ARHGAP20: variants seen among roughly 807,000 people sequenced by gnomAD.
ARHGAP20 encodes the protein Rho GTPase activating protein 20.
Under a neutral mutation model 73.7 loss-of-function variants are expected in ARHGAP20, and 34 were observed. The observed-to-expected ratio is 0.46, with a 90% CI of 0.35 to 0.61. The LOEUF (loss-of-function observed/expected upper bound fraction) is 0.61, where lower values mean the gene tolerates loss of function less well. ARHGAP20 is among the 20% of genes least tolerant of loss of function. The pLI, the probability that ARHGAP20 is intolerant of heterozygous loss-of-function variation, is 0.00. For missense variants in ARHGAP20, 1,314 were observed against 1,420.9 expected (o/e 0.92, Z 1.21); for synonymous variants, 523 against 518.2 (o/e 1.01, Z -0.13).
chr11:110,693,070 T>C (rs1157196047), intron 1 of ARHGAP20, among the ~76,000 whole-genome samples: 1 of 152,020 alleles, frequency 6.6e-6, no homozygotes, highest in Non-Finnish European at 1.5e-5. Flanking sequence ...CAAATTTTGT[T>C]CTGAAAAGGT....
Position 110,578,725 on chromosome 11 carries a change from CTGATATCA to C in ARHGAP20, c.*637_*644del. 1.0e-6 allele frequency: 1 copy of C among 985,386 alleles called. No individual in the cohort carries two copies. Among genetic ancestry groups the C allele is most frequent in the Non-Finnish European group, 1.2e-6 (1 of 829,932 alleles). 61.0% of individuals were successfully genotyped at this position (985,386 alleles called of 1,614,324 possible). On this transcript the variant is annotated 3_prime_UTR_variant, in exon 15 of 15. Transcript: ENST00000683387. The stretch of plus-strand genomic sequence containing the variant: ...AAACCGACAAATACAACCAACAAAA[CTGATATCA>C]TGGTACCCATGGCTTTTGAGTCACT...
rs767153914 is a variant in ARHGAP20 at position 110,579,614 on chromosome 11, C to T, written c.3332G>A (p.Ser1111Asn). Reference sequence around the variant, plus strand: ...CTCTGAGTCCTGGAAGGGAGAAGAACTACACCTTTGGGCTGACTGCACAGG... The same window carrying T: ...CTCTGAGTCCTGGAAGGGAGAAGAATTACACCTTTGGGCTGACTGCACAGG... ...LSPVQSAQRC[S>N]SSPFQDSERH... Residue 1111 changes from serine (S) to asparagine (N), a missense_variant, in exon 15 of 15, where the codon AGT (serine) becomes AAT (asparagine). Coordinates refer to ENST00000683387, the MANE Select transcript of ARHGAP20 (RefSeq NM_001384657.1). 4 of 1,614,058 alleles carry T rather than the reference C, an allele frequency of 2.5e-6. No individual in the cohort carries two copies. The East Asian group carries it at 8.9e-5, about 36-fold the overall frequency.
chr11:110,699,742 A>T (rs1428225436), intron 1 of ARHGAP20, among the ~76,000 whole-genome samples: 2 of 151,898 alleles, frequency 1.3e-5, no homozygotes, highest in East Asian at 3.9e-4. Context: ...CATTTACATG[A>T]CATATCTTTT....
chr11:110,648,454 T>C (rs1319087322), intron 2 of ARHGAP20, among the ~76,000 whole-genome samples: 2 of 150,050 alleles, frequency 1.3e-5, no homozygotes, highest in Admixed American at 6.7e-5. Flanking sequence ...GACAGAAGAA[T>C]AGACTCATAA....
In ARHGAP20 at chr11:110,712,177, A is replaced by G. The variant is rs1258798394; in HGVS notation, c.55T>C (p.Ser19Pro). Reference sequence around the variant, plus strand: ...AGCCGAGACACTCCTGTCAGGGAAGAGGAGCGCCCCGGCTGTCCCCCTAGA... The same window carrying G: ...AGCCGAGACACTCCTGTCAGGGAAGGGGAGCGCCCCGGCTGTCCCCCTAGA... ...ETLGGQPGRSSSLTGVSRLAG... is the reference protein window; with the variant it reads ...ETLGGQPGRSPSLTGVSRLAG... Residue 19 changes from serine (S) to proline (P), a missense_variant, in exon 1 of 15, where the codon TCT becomes CCT. This residue lies in a region of ARHGAP20 where 443 missense variants were observed against 466.4 expected (regional missense o/e 0.95). Transcript: ENST00000683387. The G allele has an allele frequency of 7.3e-7, 1 of 1,368,126 alleles. No individual in the cohort carries two copies. Among genetic ancestry groups the G allele is most frequent in the South Asian group, 2.2e-5 (1 of 44,992 alleles). 84.7% of individuals were successfully genotyped at this position (1,368,126 alleles called of 1,614,324 possible).
Position 110,613,450 on chromosome 11 carries a change from A to C in ARHGAP20, c.630+1111T>G, listed in dbSNP as rs143777910. ...ACATCATCCTTGACTTAACCAGGGT[A>C]CTAGTGATAGAAACAGAGCACCCAA... On this transcript the variant is annotated intron_variant, in intron 6 of 14. Coordinates refer to ENST00000683387, the MANE Select transcript of ARHGAP20 (RefSeq NM_001384657.1). 6.0e-4 allele frequency among the ~76,000 whole-genome samples: 91 copies of C among 152,332 alleles called. 1 individual carries two copies. Among genetic ancestry groups the C allele is most frequent in the Admixed American group, 1.9e-3 (29 of 15,298 alleles).
At chr11:110,598,714 G>T (rs1948034353) in intron 9 of ARHGAP20, among the ~76,000 whole-genome samples, 2 of 152,132 alleles carry the variant, frequency 1.3e-5, no homozygotes, top group South Asian at 2.1e-4. Flanking sequence ...TGGCTGTAGT[G>T]GGGAGGCATG....
At chr11:110,616,686 CTTTT>C (rs58360001) in intron 4 of ARHGAP20, among the ~76,000 whole-genome samples, 1 of 140,208 alleles carries the variant, frequency 7.1e-6, no homozygotes, top group Admixed American at 7.1e-5. Context: ...ACATTTTTTT[CTTTT>C]TTTTTTTTTT....
intron 1 of ARHGAP20, among the ~76,000 whole-genome samples, chr11:110,702,706 G>T (rs549131294): frequency 1.3e-5 from 2 of 152,290 alleles, no homozygotes; most frequent in Middle Eastern, 6.8e-3. Context: ...CAAAATCAAT[G>T]TGTGAAAATC....
chr11:110,622,312 G>C (rs1218882610), intron 4 of ARHGAP20, among the ~76,000 whole-genome samples: 37 of 152,104 alleles, frequency 2.4e-4, no homozygotes, highest in Non-Finnish European at 4.4e-5. Flanking sequence ...CCATATCAGA[G>C]GCAGAATTCC....
At chr11:110,601,508 A>T (rs529019780) in intron 9 of ARHGAP20, among the ~76,000 whole-genome samples, 1 of 152,340 alleles carries the variant, frequency 6.6e-6, no homozygotes, top group East Asian at 1.9e-4. Context: ...TTTAGCTGGC[A>T]TGTTTTTAAT....
Position 110,606,639 on chromosome 11 carries a change from T to C in ARHGAP20, c.886A>G (p.Met296Val), listed in dbSNP as rs1368529581. The change falls in exon 9 of 15, where the codon ATG (methionine) becomes GTG (valine). Residue 296 changes from methionine to valine, a missense_variant. Physicochemically the swap from Met to Val is conservative, Grantham distance 21. Coordinates refer to ENST00000683387, the MANE Select transcript of ARHGAP20 (RefSeq NM_001384657.1). Reference protein sequence around the residue: ...TPFNLQEPFLMEQLPREMQCQ... With the variant: ...TPFNLQEPFLVEQLPREMQCQ... ...TGCATCTCTCGGGGGAGCTGTTCCA[T>C]AAGGAAGGGCTCCTGGAGGTTGAAA... is the stretch of plus-strand genomic sequence containing the variant. 6.2e-7 allele frequency: 1 copy of C among 1,611,692 alleles called. No homozygotes were observed. Among genetic ancestry groups the C allele is most frequent in the Non-Finnish European group, 8.5e-7 (1 of 1,179,308 alleles).
chr11:110,651,838 G>A (rs1374699854), intron 2 of ARHGAP20, among the ~76,000 whole-genome samples: 2 of 151,756 alleles, frequency 1.3e-5, no homozygotes, highest in East Asian at 1.9e-4. Flanking sequence ...ATTTCTTCTC[G>A]ACCTATTCCA....
At chr11:110,637,446 C>T (rs1168196196) in intron 2 of ARHGAP20, among the ~76,000 whole-genome samples, 1 of 152,034 alleles carries the variant, frequency 6.6e-6, no homozygotes, top group Non-Finnish European at 1.5e-5. Flanking sequence ...TTAGTTCTAC[C>T]ATGAAAACTT....
intron 1 of ARHGAP20, among the ~76,000 whole-genome samples, chr11:110,702,691 G>A (rs566956617): frequency 1.3e-5 from 2 of 152,230 alleles, no homozygotes; most frequent in East Asian, 3.9e-4. Flanking sequence ...AGCAGTCTCA[G>A]GATACAAAAT....
At chr11:110,697,437 T>C (rs1035794547) in intron 1 of ARHGAP20, among the ~76,000 whole-genome samples, 1 of 151,868 alleles carries the variant, frequency 6.6e-6, no homozygotes, top group Non-Finnish European at 1.5e-5. Context: ...GTTTTTTTCT[T>C]GTCGAGTTCT....
rs181782892 is a variant in ARHGAP20, at chr11:110,581,273, A to C, written c.1721-48T>G. Reference sequence around the variant, plus strand: ...ATTAACATATTTACTTACCACAAATATACTCATGCTTCCTTAAGAACAAAT... The same window carrying C: ...ATTAACATATTTACTTACCACAAATCTACTCATGCTTCCTTAAGAACAAAT... On this transcript the variant is annotated intron_variant, in intron 14 of 14. Transcript: ENST00000683387. 2.2e-4 allele frequency: 338 copies of C among 1,519,064 alleles called. No homozygotes were observed. In the African/African-American group the frequency reaches 4.6e-3, roughly 21 times the overall value. The allele number at this position is 1,519,064 out of a possible 1,614,324, so 94.1% of individuals were successfully genotyped here.
At chr11:110,711,802 C>T (rs906139301) in intron 1 of ARHGAP20, 2 of 1,343,638 alleles carry the variant, frequency 1.5e-6, no homozygotes, top group Non-Finnish European at 1.9e-6. Context: ...GGCGATCGCC[C>T]ACTACAGCCC....
At chr11:110,648,221 G>GTATA (rs749024190) in intron 2 of ARHGAP20, among the ~76,000 whole-genome samples, 2 of 76,666 alleles carry the variant, frequency 2.6e-5, no homozygotes, top group African/African-American at 4.9e-5. Context: ...ATATATATAT[G>GTATA]TATATATATA....
Sources: gnomAD v4.1 joint callset for allele counts (sites outside exome capture counted in the v4.1 genomes callset) on GRCh38, gnomAD v4.1.1 for gene constraint, gnomAD v4.1.1 regional missense constraint, MANE v1.5 for transcripts, NCBI Gene and HGNC (gene_info 2026-07-23, HGNC 2026-07-21) for gene names.